The following BIRC6 variants were observed in gnomAD, a reference collection of about 807,000 sequenced individuals.
BIRC6 encodes baculoviral IAP repeat containing 6.
Under a neutral mutation model 503.3 loss-of-function variants are expected in BIRC6, and 98 were observed. The ratio of observed to expected loss-of-function variants is 0.19; its 90% CI spans 0.17 to 0.23. The LOEUF (loss-of-function observed/expected upper bound fraction) is 0.23, where lower values mean the gene tolerates loss of function less well. Among genes scored for constraint, BIRC6 ranks in the 10% least tolerant of loss-of-function variants. The probability of loss-of-function intolerance (pLI) is 1.00; values close to 1 mark genes in which losing one functional copy is unlikely to be tolerated. For missense variants in BIRC6, 5,360 were observed against 5,806.0 expected (o/e 0.92, Z 2.50); for synonymous variants, 2,240 against 2,078.7 (o/e 1.08, Z -2.11).
intron 40 of BIRC6, among the ~76,000 whole-genome samples, chr2:32,486,122 A>T (rs1485956231): frequency 6.6e-6 from 1 of 152,214 alleles, no homozygotes; most frequent in Non-Finnish European, 1.5e-5. Context: ...TTTTTGTAGT[A>T]ACATCTTTAT....
intron 73 of BIRC6, among the ~76,000 whole-genome samples, chr2:32,617,415 A>G (rs898148661): frequency 2.0e-5 from 3 of 152,296 alleles, no homozygotes; most frequent in East Asian, 1.9e-4. Flanking sequence ...AAAAAAGAGT[A>G]TATGTATCTA....
intron 57 of BIRC6, among the ~76,000 whole-genome samples, chr2:32,524,566 A>G (rs1053933629): frequency 2.0e-5 from 3 of 152,176 alleles, no homozygotes; most frequent in African/African-American, 7.2e-5. Context: ...AGCACATTGA[A>G]CTATGGCTAA....
At chr2:32,366,381 G>T (rs1354963030) in intron 1 of BIRC6, among the ~76,000 whole-genome samples, 1 of 151,978 alleles carries the variant, frequency 6.6e-6, no homozygotes, top group Non-Finnish European at 1.5e-5. Flanking sequence ...TTTTGGATTT[G>T]TTCAATACCT....
rs914681667 is a variant in BIRC6 at position 32,608,285 on chromosome 2, A to G, written c.14259+642A>G. 3.4e-4 allele frequency among the ~76,000 whole-genome samples: 50 copies of G among 145,866 alleles called. 1 individual carries two copies. Among genetic ancestry groups the G allele is most frequent in the African/African-American group, 1.3e-3 (50 of 39,596 alleles). On this transcript the variant is annotated intron_variant, in intron 72 of 73. Coordinates refer to ENST00000421745, the MANE Select transcript of BIRC6 (RefSeq NM_016252.4). ...TCCAGCCTAGGTGACAGAGTCTCAG[A>G]AAAAAAAAAAATGGTAGTAGATAGT...
At position 32,358,388 on chromosome 2, in the gene BIRC6, G is replaced by C. The variant is rs572172879; in HGVS notation, c.325+902G>C. Among the ~76,000 whole-genome samples the C allele has an allele frequency of 2.2e-4, 33 of 152,292 alleles. No individual in the cohort carries two copies. The South Asian group carries it at 6.4e-3, about 30-fold the overall frequency. On this transcript the variant is annotated intron_variant, in intron 1 of 73. Transcript: ENST00000421745. ...GACGGGACTTTCAGATGCGTGAGGT[G>C]TATGCTCAGTGGACGGACTGGAGTG...
chr2:32,505,526 T>C (rs1263960112), intron 50 of BIRC6, among the ~76,000 whole-genome samples: 1 of 152,216 alleles, frequency 6.6e-6, no homozygotes, highest in African/African-American at 2.4e-5. Flanking sequence ...TTTTTTACCA[T>C]GTTAGTTTTT....
chr2:32,594,198 G>A (rs1156415396), intron 67 of BIRC6, 138 bp downstream of exon 67: 2 of 882,984 alleles, frequency 2.3e-6, no homozygotes. Flanking sequence ...TTTGTTCTCT[G>A]TTAGATTTTG....
intron 45 of BIRC6, among the ~76,000 whole-genome samples, chr2:32,498,633 G>A (rs1367713691): frequency 6.6e-6 from 1 of 151,952 alleles, no homozygotes; most frequent in Non-Finnish European, 1.5e-5. Flanking sequence ...TGTCACCCAG[G>A]CTAGAGTGCA....
chr2:32,363,114 T>G (rs892841282), intron 1 of BIRC6, among the ~76,000 whole-genome samples: 1 of 152,152 alleles, frequency 6.6e-6, no homozygotes, highest in Admixed American at 6.5e-5. Flanking sequence ...GAGGATCGCT[T>G]GAGCCCAGTA....
rs776568064 is a variant in BIRC6, at chr2:32,444,031, G to GTTTTTTTTTTTTTTTTTTTT, written c.4336+461_4336+462insTTTTTTTTTTTTTTTTTTTT. Among the ~76,000 whole-genome samples, 164 of 136,800 alleles carry GTTTTTTTTTTTTTTTTTTTT rather than the reference G, an allele frequency of 1.2e-3. 1 individual carries two copies. Among genetic ancestry groups the GTTTTTTTTTTTTTTTTTTTT allele is most frequent in the African/African-American group, 4.3e-3 (156 of 36,162 alleles). 89.7% of individuals were successfully genotyped at this position (136,800 alleles called of 152,430 possible). ...TGGAATTTCCTAAAAGGGACCAGTGGTTTTTTTTTTTTTTTTTTAAAGCAC... is the reference window on the plus strand; with the variant it reads ...TGGAATTTCCTAAAAGGGACCAGTGGTTTTTTTTTTTTTTTTTTTTTTTTTTTTTTTTTTTTTTAAAGCAC... On this transcript the variant is annotated intron_variant, in intron 20 of 73. Transcript: ENST00000421745.
At chr2:32,500,911 T>A (rs901674398) in intron 46 of BIRC6, among the ~76,000 whole-genome samples, 2 of 151,996 alleles carry the variant, frequency 1.3e-5, no homozygotes, top group African/African-American at 4.8e-5. Context: ...TGCCAATTTT[T>A]TTTTTTGTAC....
At chr2:32,526,432 A>G (rs1024585190) in intron 59 of BIRC6, 2 of 152,198 alleles carry the variant, frequency 1.3e-5, no homozygotes, top group African/African-American at 4.8e-5. Flanking sequence ...AGATACCCTT[A>G]TGGGTAACAA....
intron 53 of BIRC6, among the ~76,000 whole-genome samples, chr2:32,512,557 T>C (rs565693242): frequency 1.1e-4 from 17 of 152,372 alleles, no homozygotes; most frequent in Middle Eastern, 3.4e-3. Context: ...GTTGAGAGTG[T>C]ATTCTGTTGT....
Position 32,445,634 on chromosome 2 carries a change from A to C in BIRC6, c.4450A>C (p.Arg1484=). ...LTAVSRQLQD[R]LTPMEALLQT... ...TGCAGTGTCCAGACAGTTACAGGAC[A>C]GGCTAACACCAATGGAGGCTTTACT... Residue 1484 remains arginine (R), a synonymous_variant, in exon 21 of 74, where the codon AGG becomes CGG. Coordinates refer to ENST00000421745, the MANE Select transcript of BIRC6 (RefSeq NM_016252.4). 6.3e-7 allele frequency: 1 copy of C among 1,582,800 alleles called. No homozygotes were observed. The highest frequency in any genetic ancestry group is 8.6e-7 in the Non-Finnish European group (1 of 1,163,764).
At chr2:32,444,377 A>C (rs1163261199) in intron 20 of BIRC6, among the ~76,000 whole-genome samples, 1 of 152,150 alleles carries the variant, frequency 6.6e-6, no homozygotes, top group Admixed American at 6.5e-5. Flanking sequence ...ATATATGTGC[A>C]ATTATTATGT....
At chr2:32,408,501 A>G (rs176400) in intron 9 of BIRC6, among the ~76,000 whole-genome samples, 116,544 of 152,086 alleles carry the variant, frequency 0.77, 45,601 homozygotes, top group African/African-American at 0.94. Context: ...AGTGTTTGCT[A>G]TGTTAAGTTT....
chr2:32,533,523 T>C (rs1446380863), intron 61 of BIRC6, among the ~76,000 whole-genome samples: 1 of 152,222 alleles, frequency 6.6e-6, no homozygotes, highest in African/African-American at 2.4e-5. Flanking sequence ...TTTAGATATT[T>C]GCTATCAGAA....
Position 32,499,783 on chromosome 2 carries a change from G to A in BIRC6, c.8705G>A (p.Arg2902His), listed in dbSNP as rs200142371. ...CFGGLFANLIRPGDAKAVCGE... is the reference protein window; with the variant it reads ...CFGGLFANLIHPGDAKAVCGE... ...GGGGGACTCTTTGCCAATCTTATTC[G>A]TCCGGGTGATGCAAAAGCAGTTTGT... is the stretch of plus-strand genomic sequence containing the variant. The change falls in exon 46 of 74, where the codon CGT (arginine) becomes CAT (histidine). Residue 2902 changes from arginine (R) to histidine (H), a missense_variant. By Grantham distance (29) the Arg-to-His change is conservative. Transcript: ENST00000421745. 113 of 1,613,854 alleles carry A rather than the reference G, an allele frequency of 7.0e-5. 1 individual carries two copies. Among genetic ancestry groups the A allele is most frequent in the Non-Finnish European group, 9.2e-5 (108 of 1,179,878 alleles).
Position 32,515,725 on chromosome 2 carries a change from A to C in BIRC6, c.11304A>C (p.Leu3768=). ...AGAATGCAACTGTTGCGTTCTTTCT[A>C]CAGTGCATTTCATGCCATCCTAATA... ...AIENATVAFF[L]QCISCHPNNQ... is the part of the protein sequence containing the mutation. Residue 3768 remains leucine, a synonymous_variant, in exon 55 of 74, where the codon CTA becomes CTC. Coordinates refer to ENST00000421745, the MANE Select transcript of BIRC6 (RefSeq NM_016252.4). 1 of 1,601,264 alleles carries C rather than the reference A, an allele frequency of 6.2e-7. No homozygotes were observed. The highest frequency in any genetic ancestry group is 8.5e-7 in the Non-Finnish European group (1 of 1,179,790).
Sources: gnomAD v4.1 joint callset for allele counts (sites outside exome capture counted in the v4.1 genomes callset) on GRCh38, gnomAD v4.1.1 for gene constraint, MANE v1.5 for transcripts, NCBI Gene and HGNC (gene_info 2026-07-23, HGNC 2026-07-21) for gene names.